The following CNTN4 variants were observed in gnomAD, a reference collection of about 807,000 sequenced individuals.
CNTN4 encodes the protein contactin 4, also known as contactin-4.
Under a neutral mutation model 122.5 loss-of-function variants are expected in CNTN4, and 77 were observed. The ratio of observed to expected loss-of-function variants is 0.63; its 90% CI spans 0.52 to 0.76. The LOEUF (loss-of-function observed/expected upper bound fraction) is 0.76. Ranked by LOEUF, CNTN4 falls within the 30% of genes least tolerant of loss-of-function variation. The probability of loss-of-function intolerance (pLI) is 0.00; values close to 1 mark genes in which losing one functional copy is unlikely to be tolerated. For synonymous variants in CNTN4, 512 were observed against 447.0 expected (o/e 1.15, Z -1.83); for missense variants, 1,256 against 1,259.1 (o/e 1.00, Z 0.04).
chr3:2,302,383 G>T (rs184870414), intron 2 of CNTN4, among the ~76,000 whole-genome samples: 7 of 152,228 alleles, frequency 4.6e-5, no homozygotes, highest in Non-Finnish European at 1.0e-4. Flanking sequence ...AGCTGAGATC[G>T]TGCCACTGCA....
intron 3 of CNTN4, among the ~76,000 whole-genome samples, chr3:2,431,817 T>C (rs922242042): frequency 3.3e-5 from 5 of 152,194 alleles, no homozygotes; most frequent in African/African-American, 1.2e-4. Flanking sequence ...GAAGGAATTT[T>C]TGCACCAACA....
At position 2,098,879 on chromosome 3, in the gene CNTN4, AT is replaced by A. The variant is rs2031628745; in HGVS notation, c.-324del. 6.6e-6 allele frequency: 1 copy of A among 152,134 alleles called. No individual in the cohort carries two copies. Among genetic ancestry groups the A allele is most frequent in the African/African-American group, 2.4e-5 (1 of 41,438 alleles). 9.4% of individuals were successfully genotyped at this position (152,134 alleles called of 1,614,324 possible). On this transcript the variant is annotated 5_prime_UTR_variant, in exon 1 of 25. The change creates a new upstream start codon in the 5' untranslated region. Transcript: ENST00000418658. ...ACGGAGCCCGGGGTTCGACGCCAGG[AT>A]TGGCTGCAAGTAGGGAGCTTTCGCC...
chr3:2,862,702 A>G (rs937118487), intron 7 of CNTN4, among the ~76,000 whole-genome samples: 2 of 152,214 alleles, frequency 1.3e-5, no homozygotes, highest in Non-Finnish European at 2.9e-5. Context: ...GAAAGTCCCT[A>G]AGGAAATCAA....
chr3:2,104,665 G>A (rs144133793), intron 2 of CNTN4, among the ~76,000 whole-genome samples: 1 of 152,346 alleles, frequency 6.6e-6, no homozygotes, highest in Non-Finnish European at 1.5e-5. Flanking sequence ...TTCCTCTGGG[G>A]TGGACCTCAG....
chr3:2,694,061 A>G (rs141280664), intron 4 of CNTN4, among the ~76,000 whole-genome samples: 1 of 152,234 alleles, frequency 6.6e-6, no homozygotes, highest in East Asian at 1.9e-4. Flanking sequence ...TAAACTCTCC[A>G]GTCCTCATAC....
intron 3 of CNTN4, among the ~76,000 whole-genome samples, chr3:2,421,685 A>G (rs111878569): frequency 9.7e-4 from 147 of 152,270 alleles, no homozygotes; most frequent in African/African-American, 3.4e-3. Context: ...GTTCTCCCCA[A>G]ACTCTAACAT....
At chr3:2,894,487 A>G (rs959355709) in intron 10 of CNTN4, among the ~76,000 whole-genome samples, 3 of 152,342 alleles carry the variant, frequency 2.0e-5, no homozygotes, top group Non-Finnish European at 4.4e-5. Flanking sequence ...GGCCTTACCT[A>G]TAAAATGAGT....
chr3:2,706,691 G>A (rs1455902592), intron 4 of CNTN4, among the ~76,000 whole-genome samples: 1 of 152,162 alleles, frequency 6.6e-6, no homozygotes, highest in Non-Finnish European at 1.5e-5. Context: ...TGACTGGGTA[G>A]ATGGGTGCTA....
chr3:2,287,443 A>G (rs1229979103), intron 2 of CNTN4, among the ~76,000 whole-genome samples: 3 of 151,878 alleles, frequency 2.0e-5, no homozygotes, highest in Non-Finnish European at 2.9e-5. Flanking sequence ...CTCTACAAAA[A>G]TCACCAAAAT....
intron 23 of CNTN4, among the ~76,000 whole-genome samples, chr3:3,050,433 C>T (rs1701141249): frequency 6.6e-6 from 1 of 152,034 alleles, no homozygotes; most frequent in South Asian, 2.1e-4. Context: ...TTGCCCAGAG[C>T]CCTACAGGTG....
chr3:2,708,767 A>ACACT (rs2086903013), intron 4 of CNTN4, among the ~76,000 whole-genome samples: 4 of 140,626 alleles, frequency 2.8e-5, no homozygotes, highest in African/African-American at 1.0e-4. Context: ...ACACACACAC[A>ACACT]CTGCCCAGAA....
chr3:2,455,173 T>C (rs2048954175), intron 3 of CNTN4, among the ~76,000 whole-genome samples: 1 of 152,122 alleles, frequency 6.6e-6, no homozygotes, highest in African/African-American at 2.4e-5. Context: ...AGGGCTGCCA[T>C]TGAACACAGC....
intron 3 of CNTN4, among the ~76,000 whole-genome samples, chr3:2,403,114 T>A (rs2046916034): frequency 6.6e-6 from 1 of 152,124 alleles, no homozygotes; most frequent in Non-Finnish European, 1.5e-5. Flanking sequence ...TTCTTTGTCT[T>A]GTATCACGCC....
At chr3:2,156,359 G>A (rs901819401) in intron 2 of CNTN4, among the ~76,000 whole-genome samples, 1 of 152,162 alleles carries the variant, frequency 6.6e-6, no homozygotes, top group Non-Finnish European at 1.5e-5. Context: ...TGTGGGGTCT[G>A]TGCATAAACC....
chr3:2,164,376 C>T (rs563707692), intron 2 of CNTN4, among the ~76,000 whole-genome samples: 11 of 151,980 alleles, frequency 7.2e-5, no homozygotes, highest in African/African-American at 2.7e-4. Context: ...GAGAGGATGA[C>T]GCACATAGGA....
At chr3:2,610,424 G>C (rs1309897112) in intron 4 of CNTN4, among the ~76,000 whole-genome samples, 1 of 152,100 alleles carries the variant, frequency 6.6e-6, no homozygotes, top group African/African-American at 2.4e-5. Context: ...CTTTAAGCCC[G>C]TGGCCTTCTA....
chr3:2,819,608 A>G, intron 7 of CNTN4, 27 bp downstream of exon 7: 1 of 1,450,222 alleles, frequency 6.9e-7, no homozygotes, highest in Non-Finnish European at 9.7e-7. Flanking sequence ...TGACATATGC[A>G]TGCTTCACTC....
At chr3:2,884,454 C>G (rs1034536007) in intron 9 of CNTN4, among the ~76,000 whole-genome samples, 24 of 151,926 alleles carry the variant, frequency 1.6e-4, no homozygotes, top group Admixed American at 1.3e-4. Flanking sequence ...TTTTTATGTC[C>G]TGAAAACTTA....
intron 3 of CNTN4, among the ~76,000 whole-genome samples, chr3:2,437,864 A>G (rs2048309451): frequency 2.7e-5 from 4 of 150,624 alleles, no homozygotes; most frequent in African/African-American, 9.8e-5. Flanking sequence ...GTCTGGGGGT[A>G]ATGGCTTGCC....
Sources: allele counts gnomAD v4.1 joint callset (sites outside exome capture counted in the v4.1 genomes callset), GRCh38; gene constraint gnomAD v4.1.1; transcripts MANE v1.5; gene names NCBI Gene and HGNC (gene_info 2026-07-23, HGNC 2026-07-21).